Variants in MCCC1 observed in about 807,000 individuals in gnomAD.
The protein encoded by MCCC1 is methylcrotonyl-CoA carboxylase subunit 1, also known as methylcrotonoyl-CoA carboxylase subunit alpha, mitochondrial.
In MCCC1, 64 loss-of-function variants were observed where a neutral mutation model predicts 83.8. The observed-to-expected ratio is 0.76, with a 90% CI of 0.62 to 0.94. The LOEUF is 0.94. Ranked by LOEUF, MCCC1 falls within the 40% of genes least tolerant of loss-of-function variation. The pLI is 0.00. For synonymous variants in MCCC1, 322 were observed against 315.4 expected (o/e 1.02, Z -0.22); for missense variants, 807 against 904.7 (o/e 0.89, Z 1.39).
chr3:183,049,317 A>G (rs955866458), intron 9 of MCCC1, among the ~76,000 whole-genome samples: 1 of 152,134 alleles, frequency 6.6e-6, no homozygotes, highest in East Asian at 1.9e-4. Context: ...GAAAAGATCA[A>G]TAAAATCAGT....
rs1307113234 is a variant in MCCC1, at chr3:183,057,379, CA to C, written c.804del (p.Val269CysfsTer30). The C allele has an allele frequency of 1.2e-6, 2 of 1,610,364 alleles. No homozygotes were observed. The highest frequency in any genetic ancestry group is 1.7e-6 in the Non-Finnish European group (2 of 1,178,032). On this transcript the variant is annotated frameshift_variant, in exon 8 of 19. Coordinates refer to ENST00000265594, the MANE Select transcript of MCCC1 (RefSeq NM_020166.5). LOFTEE classifies it high-confidence loss of function. ...VQVFGDHHGN[A>X]VYLFERDCSV... ...CTACAGTCTCTTTCAAACAAGTACA[CA>C]GCATTGCCATGGTGATCACCAAACA...
intron 8 of MCCC1, among the ~76,000 whole-genome samples, chr3:183,052,762 A>C (rs1488128425): frequency 6.7e-6 from 1 of 148,766 alleles, no homozygotes; most frequent in Non-Finnish European, 1.5e-5. Flanking sequence ...GTGAGCCGAG[A>C]TCACGCCACT....
intron 13 of MCCC1, 85 bp from the exon 14 acceptor site, chr3:183,034,162 A>T: frequency 1.0e-6 from 1 of 1,004,182 alleles, no homozygotes; most frequent in Non-Finnish European, 1.6e-6. Context: ...CATAAAATGC[A>T]AGTGCTGGCC....
rs1281623428 is a variant in MCCC1, at chr3:183,086,835, T to C, written c.274-47A>G. The C allele has an allele frequency of 4.6e-6, 7 of 1,524,950 alleles. No individual in the cohort carries two copies. In the East Asian group the frequency reaches 1.6e-4, roughly 34 times the overall value. 94.5% of individuals were successfully genotyped at this position (1,524,950 alleles called of 1,614,324 possible). On this transcript the variant is annotated intron_variant, in intron 3 of 18. Transcript: ENST00000265594. ...CTTAAAAGACTTTGTGGCTAGTACA[T>C]ACTCATACACTATACAGAACTGCTT...
intron 7 of MCCC1, among the ~76,000 whole-genome samples, chr3:183,063,267 C>G (rs1208122734): frequency 1.3e-5 from 2 of 152,192 alleles, no homozygotes; most frequent in Non-Finnish European, 2.9e-5. Context: ...CAGGCGTGAG[C>G]CACTGCGCCT....
chr3:183,093,551 A>G (rs1009566733), intron 2 of MCCC1, among the ~76,000 whole-genome samples: 1 of 152,236 alleles, frequency 6.6e-6, no homozygotes, highest in Non-Finnish European at 1.5e-5. Context: ...CTGCATATAT[A>G]AAATGTACTT....
At chr3:183,101,854 G>A (rs938896250), upstream of MCCC1, among the ~76,000 whole-genome samples, 9 of 152,004 alleles carry the variant, frequency 5.9e-5, no homozygotes, top group Non-Finnish European at 1.3e-4. Flanking sequence ...GAGACCACGA[G>A]CCCACCGGGA....
chr3:183,114,239 A>G (rs189806755), intron 1 of MCCC1, among the ~76,000 whole-genome samples: 46 of 152,226 alleles, frequency 3.0e-4, no homozygotes, highest in Non-Finnish European at 2.1e-4. Flanking sequence ...TCCTGTAACC[A>G]TTTATCCTTT....
In MCCC1 at chr3:183,041,570, G is replaced by GC. The variant is rs762463137; in HGVS notation, c.1263dup (p.Gln422AlafsTer10). 6.2e-5 allele frequency: 100 copies of GC among 1,613,838 alleles called. No individual in the cohort carries two copies. The highest frequency in any genetic ancestry group is 8.2e-5 in the Non-Finnish European group (97 of 1,179,892). The stretch of plus-strand genomic sequence containing the variant: ...TTTTCATTTTCTTTCACTTTACCTT[G>GC]CCGTACTCCAGTTTCAATCCTGGTG... On this transcript the variant is annotated frameshift_variant, in exon 11 of 19. Coordinates refer to ENST00000265594, the MANE Select transcript of MCCC1 (RefSeq NM_020166.5). LOFTEE classifies it high-confidence loss of function.
chr3:183,059,358 C>T (rs1205447237), intron 7 of MCCC1, among the ~76,000 whole-genome samples: 1 of 152,132 alleles, frequency 6.6e-6, no homozygotes, highest in Admixed American at 6.5e-5. Context: ...TCTGAATGTT[C>T]CCATTTTGAA....
chr3:183,041,961 G>A (rs549902957), intron 10 of MCCC1, among the ~76,000 whole-genome samples: 83 of 152,238 alleles, frequency 5.5e-4, no homozygotes, highest in Admixed American at 2.0e-4. Flanking sequence ...CTATCATTTG[G>A]GGTATCGGAG....
upstream of MCCC1, chr3:183,099,499 G>A (rs1231033547): frequency 1.3e-6 from 2 of 1,549,152 alleles, no homozygotes; most frequent in African/African-American, 1.4e-5. Flanking sequence ...CGTCCCACAC[G>A]CCAAACCCGT....
intron 10 of MCCC1, 145 bp from the exon 11 acceptor site, chr3:183,041,895 C>G (rs1714120654): frequency 1.1e-6 from 1 of 925,544 alleles, no homozygotes; most frequent in Admixed American, 2.2e-5. Context: ...TTTGTCTACT[C>G]ATTTGAGTAT....
rs557322639 is a variant in MCCC1 at position 183,098,830 on chromosome 3, C to A, written c.89+522G>T. 2.4e-5 allele frequency: 4 copies of A among 168,404 alleles called. No individual in the cohort carries two copies. The South Asian group carries it at 5.6e-4, about 24-fold the overall frequency. The allele number at this position is 168,404 out of a possible 1,614,324, so 10.4% of individuals were successfully genotyped here. On this transcript the variant is annotated intron_variant, in intron 1 of 18. Coordinates refer to ENST00000265594, the MANE Select transcript of MCCC1 (RefSeq NM_020166.5). ...ATTTGCTCTTCTTGACAACTTCACT[C>A]TTCTAACAATGAGAAGGAACTCCAG... is the stretch of plus-strand genomic sequence containing the variant.
chr3:183,075,416 G>A (rs1716992476), intron 4 of MCCC1, among the ~76,000 whole-genome samples: 1 of 152,096 alleles, frequency 6.6e-6, no homozygotes, highest in Non-Finnish European at 1.5e-5. Context: ...TCTGACTGGT[G>A]TGAGATGGTG....
At chr3:183,086,813 A>G (rs767584796) in intron 3 of MCCC1, 25 bp from the exon 4 acceptor site, 1 of 1,605,330 alleles carries the variant, frequency 6.2e-7, no homozygotes. Context: ...TCACATGCTT[A>G]AAAGACTTTG....
At chr3:183,062,159 T>C (rs539443206) in intron 7 of MCCC1, among the ~76,000 whole-genome samples, 4 of 152,216 alleles carry the variant, frequency 2.6e-5, no homozygotes, top group African/African-American at 9.6e-5. Flanking sequence ...CTTTATAAAT[T>C]ATCCAGTTGC....
At chr3:183,102,828 C>G (rs1719339390), upstream of MCCC1, among the ~76,000 whole-genome samples, 1 of 109,968 alleles carries the variant, frequency 9.1e-6, no homozygotes, top group Admixed American at 1.3e-4. Context: ...TCTCTGTTGC[C>G]CAGGCTAGAG....
intron 1 of MCCC1, among the ~76,000 whole-genome samples, chr3:183,111,302 C>A (rs1719488621): frequency 1.3e-5 from 2 of 148,444 alleles, no homozygotes; most frequent in Admixed American, 1.3e-4. Context: ...GTCAAATGAC[C>A]TTTTTTTTTT....
Sources: gnomAD v4.1 joint callset for allele counts (sites outside exome capture counted in the v4.1 genomes callset) on GRCh38, gnomAD v4.1.1 for gene constraint, MANE v1.5 for transcripts, NCBI Gene and HGNC (gene_info 2026-07-23, HGNC 2026-07-21) for gene names.